The following KIF16B variants were observed in gnomAD, a reference collection of about 807,000 sequenced individuals.
KIF16B encodes the protein kinesin-like protein KIF16B.
In KIF16B, 98 loss-of-function variants were observed where a neutral mutation model predicts 156.3. The observed-to-expected ratio is 0.63, with a 90% CI of 0.53 to 0.74. KIF16B has a LOEUF of 0.74. KIF16B is among the 30% of genes least tolerant of loss of function. The pLI is 0.00. For synonymous variants in KIF16B, 564 were observed against 583.7 expected (o/e 0.97, Z 0.49); for missense variants, 1,421 against 1,606.5 (o/e 0.88, Z 1.97).
intron 24 of KIF16B, among the ~76,000 whole-genome samples, chr20:16,327,030 T>TACAC (rs55928256): frequency 0.081 from 11,892 of 146,640 alleles, 532 homozygotes; most frequent in African/African-American, 0.088. Flanking sequence ...TGTATATATA[T>TACAC]ACACACACAC....
intron 23 of KIF16B, among the ~76,000 whole-genome samples, chr20:16,338,968 T>C (rs768843011): frequency 3.1e-4 from 47 of 152,182 alleles, no homozygotes; most frequent in Non-Finnish European, 5.1e-4. Context: ...TCAAAAATTT[T>C]TCAGGAATTT....
intron 1 of KIF16B, among the ~76,000 whole-genome samples, chr20:16,568,200 T>C (rs2071330239): frequency 6.6e-6 from 1 of 151,940 alleles, no homozygotes; most frequent in African/African-American, 2.4e-5. Context: ...ATAGACTTGA[T>C]ACTAGATTCT....
At chr20:16,428,389 G>T (rs917177670) in intron 14 of KIF16B, among the ~76,000 whole-genome samples, 7 of 152,022 alleles carry the variant, frequency 4.6e-5, no homozygotes, top group Admixed American at 4.6e-4. Flanking sequence ...ACCACCACCA[G>T]TTGCCTAAGT....
At chr20:16,391,207 T>A (rs1416014877) in intron 17 of KIF16B, among the ~76,000 whole-genome samples, 1 of 151,990 alleles carries the variant, frequency 6.6e-6, no homozygotes, top group African/African-American at 2.4e-5. Flanking sequence ...AGGGAAGTGA[T>A]GAGAAATAAC....
At chr20:16,301,006 A>G (rs1007506902) in intron 25 of KIF16B, among the ~76,000 whole-genome samples, 1 of 152,122 alleles carries the variant, frequency 6.6e-6, no homozygotes, top group Admixed American at 6.5e-5. Flanking sequence ...CCCTCCCTCA[A>G]ATCCCTGGCA....
rs11306679 is a variant in KIF16B at position 16,381,528 on chromosome 20, CAA to C, written c.1838+164_1838+165del. On this transcript the variant is annotated intron_variant, in intron 18 of 25. Coordinates refer to ENST00000354981, the MANE Select transcript of KIF16B (RefSeq NM_024704.5). ...AAACTTGAAGAAAAACCATCTACTC[CAA>C]AAAAAAAAAAAAAAGACCTGCAGTC... Among the ~76,000 whole-genome samples the C allele has an allele frequency of 2.6e-3, 317 of 122,674 alleles. 4 individuals are homozygous for C. In the East Asian group the frequency reaches 0.031, roughly 12 times the overall value. 80.5% of individuals were successfully genotyped at this position (122,674 alleles called of 152,430 possible).
chr20:16,433,640 T>C (rs550664732), intron 12 of KIF16B, among the ~76,000 whole-genome samples: 2 of 151,500 alleles, frequency 1.3e-5, no homozygotes, highest in South Asian at 4.2e-4. Context: ...CACATACACT[T>C]CCATATATAT....
chr20:16,357,122 C>T (rs936619490), intron 22 of KIF16B, among the ~76,000 whole-genome samples: 7 of 152,092 alleles, frequency 4.6e-5, no homozygotes, highest in African/African-American at 9.7e-5. Flanking sequence ...AAGTGTGAAT[C>T]GGAAGAAATC....
chr20:16,534,768 A>G (rs1029575978), intron 1 of KIF16B, among the ~76,000 whole-genome samples: 4 of 151,940 alleles, frequency 2.6e-5, no homozygotes, highest in Non-Finnish European at 4.4e-5. Context: ...GAGAGCCCCA[A>G]TGTACGTTCT....
At chr20:16,346,800 C>T (rs1267262672) in intron 23 of KIF16B, among the ~76,000 whole-genome samples, 1 of 152,136 alleles carries the variant, frequency 6.6e-6, no homozygotes, top group East Asian at 1.9e-4. Context: ...CTGCCAACAC[C>T]TCTGTGAAGC....
intron 23 of KIF16B, among the ~76,000 whole-genome samples, chr20:16,337,104 G>C (rs1186915205): frequency 6.6e-6 from 1 of 152,176 alleles, no homozygotes; most frequent in Non-Finnish European, 1.5e-5. Flanking sequence ...ACAGCAGCCT[G>C]TCTGCAGGCC....
At chr20:16,452,402 G>GAA (rs200898603) in intron 12 of KIF16B, among the ~76,000 whole-genome samples, 20 of 125,688 alleles carry the variant, frequency 1.6e-4, no homozygotes, top group African/African-American at 2.6e-4. Flanking sequence ...ACCCCTATAA[G>GAA]AAAAAAAAAA....
intron 1 of KIF16B, among the ~76,000 whole-genome samples, chr20:16,570,434 G>A (rs186013920): frequency 6.6e-5 from 10 of 152,228 alleles, no homozygotes; most frequent in South Asian, 2.1e-4. Context: ...TTATGCTTCC[G>A]TGATCAATGC....
intron 24 of KIF16B, among the ~76,000 whole-genome samples, chr20:16,330,315 T>C (rs1355928592): frequency 1.3e-5 from 2 of 152,202 alleles, no homozygotes; most frequent in Non-Finnish European, 2.9e-5. Context: ...GGTAAATAAT[T>C]AACCAAATGA....
intron 15 of KIF16B, among the ~76,000 whole-genome samples, chr20:16,425,136 G>A (rs1219541449): frequency 6.6e-6 from 1 of 152,054 alleles, no homozygotes. Context: ...GTACTAAAAG[G>A]AACCATGGCT....
intron 23 of KIF16B, among the ~76,000 whole-genome samples, chr20:16,337,922 T>A (rs2064070479): frequency 6.6e-6 from 1 of 152,212 alleles, no homozygotes. Flanking sequence ...CTTCATGACC[T>A]GTGAGTAGTA....
At chr20:16,479,333 GAAC>G (rs766632552) in intron 12 of KIF16B, among the ~76,000 whole-genome samples, 2 of 152,064 alleles carry the variant, frequency 1.3e-5, no homozygotes, top group South Asian at 2.1e-4. Flanking sequence ...ACAGGGAGTG[GAAC>G]AACACACGCT....
chr20:16,553,752 A>G (rs964361354), intron 1 of KIF16B, among the ~76,000 whole-genome samples: 2 of 152,256 alleles, frequency 1.3e-5, no homozygotes, highest in Non-Finnish European at 2.9e-5. Flanking sequence ...CACCTGCAGC[A>G]ACCGCTACCA....
At chr20:16,294,712 G>C (rs980666657) in intron 25 of KIF16B, among the ~76,000 whole-genome samples, 2 of 152,188 alleles carry the variant, frequency 1.3e-5, no homozygotes, top group Non-Finnish European at 2.9e-5. Context: ...CACCGGAAAA[G>C]CCCACCATGG....
Sources: allele counts gnomAD v4.1 joint callset (sites outside exome capture counted in the v4.1 genomes callset), GRCh38; gene constraint gnomAD v4.1.1; transcripts MANE v1.5; gene names NCBI Gene and HGNC (gene_info 2026-07-23, HGNC 2026-07-21).